ADCK1: variants seen among roughly 807,000 people sequenced by gnomAD.
The protein encoded by ADCK1 is aarF domain containing kinase 1, also known as aarF domain-containing protein kinase 1.
In ADCK1, 41 loss-of-function variants were observed where a neutral mutation model predicts 52.3. The ratio of observed to expected loss-of-function variants is 0.78; its 90% confidence interval spans 0.61 to 1.02. ADCK1 has a LOEUF of 1.02. ADCK1 is among the 50% of genes least tolerant of loss of function. ADCK1 has a pLI of 0.00. For missense variants in ADCK1, 658 were observed against 679.5 expected (o/e 0.97, Z 0.35); for synonymous variants, 250 against 274.6 (o/e 0.91, Z 0.89).
At chr14:77,815,772 C>T (rs2081435585) in intron 1 of ADCK1, among the ~76,000 whole-genome samples, 1 of 150,208 alleles carries the variant, frequency 6.7e-6, no homozygotes, top group Non-Finnish European at 1.5e-5. Context: ...CTGCCTTGGC[C>T]TCCCAAAGTG....
intron 1 of ADCK1, among the ~76,000 whole-genome samples, chr14:77,811,969 ATTC>A (rs1222954946): frequency 2.6e-5 from 4 of 152,240 alleles, no homozygotes; most frequent in Admixed American, 2.0e-4. Flanking sequence ...GTTTTAATTT[ATTC>A]TTTTAATTTA....
At chr14:77,921,326 C>CAAAAAAAAAAAAAAAAAAAAAAAAAAAA (rs756056466) in intron 7 of ADCK1, among the ~76,000 whole-genome samples, 5 of 41,212 alleles carry the variant, frequency 1.2e-4, no homozygotes, top group East Asian at 1.9e-3. Context: ...GACTCTGTCT[C>CAAAAAAAAAAAAAAAAAAAAAAAAAAAA]AAAAAAAAAA....
intron 4 of ADCK1, among the ~76,000 whole-genome samples, chr14:77,869,202 C>A (rs1052513878): frequency 1.3e-5 from 2 of 152,190 alleles, no homozygotes; most frequent in African/African-American, 4.8e-5. Context: ...CTGGCTTAAA[C>A]AACAAATGTA....
At chr14:77,875,241 G>A (rs2082872567) in intron 4 of ADCK1, among the ~76,000 whole-genome samples, 1 of 152,130 alleles carries the variant, frequency 6.6e-6, no homozygotes, top group African/African-American at 2.4e-5. Context: ...ATGGAGAGGT[G>A]TGGAGGAGGT....
rs146383539 is a variant in ADCK1, at chr14:77,870,141, G to A, written c.423+10862G>A. Among the ~76,000 whole-genome samples, 11 of 152,344 alleles carry A rather than the reference G, an allele frequency of 7.2e-5. No individual in the cohort carries two copies. In the East Asian group the frequency reaches 2.1e-3, roughly 29 times the overall value. Reference sequence around the variant, plus strand: ...ATTGGCTGGATGTGTTACAGATATTGTTTGTAACCTTTACAATAACTCTGT... The same window carrying A: ...ATTGGCTGGATGTGTTACAGATATTATTTGTAACCTTTACAATAACTCTGT... On this transcript the variant is annotated intron_variant, in intron 4 of 10. Transcript: ENST00000238561.
chr14:77,832,913 G>T (rs906812315), intron 3 of ADCK1, among the ~76,000 whole-genome samples: 5 of 152,192 alleles, frequency 3.3e-5, no homozygotes, highest in Non-Finnish European at 5.9e-5. Flanking sequence ...GCCAAACCAG[G>T]ACATTTCTTC....
intron 3 of ADCK1, among the ~76,000 whole-genome samples, chr14:77,850,198 C>T (rs2082253816): frequency 6.8e-6 from 1 of 146,530 alleles, no homozygotes; most frequent in African/African-American, 2.5e-5. Flanking sequence ...CACAGTAAAA[C>T]CTTGTCTCAA....
At chr14:77,865,920 C>G (rs1437348618) in intron 4 of ADCK1, among the ~76,000 whole-genome samples, 1 of 152,154 alleles carries the variant, frequency 6.6e-6, no homozygotes, top group African/African-American at 2.4e-5. Flanking sequence ...GTGCTGTGTG[C>G]TTTTTATGAG....
chr14:77,817,200 G>A (rs2081474567), intron 1 of ADCK1, among the ~76,000 whole-genome samples: 1 of 152,162 alleles, frequency 6.6e-6, no homozygotes, highest in Non-Finnish European at 1.5e-5. Flanking sequence ...CGAGATCGCG[G>A]CACTGCACTC....
intron 4 of ADCK1, 57 bp from the exon 5 acceptor site, chr14:77,887,034 C>G: frequency 1.3e-6 from 2 of 1,489,606 alleles, no homozygotes; most frequent in Non-Finnish European, 1.8e-6. Flanking sequence ...CTTCCTGGCT[C>G]CCTCTCACTG....
chr14:77,806,824 T>A (rs1236029235), intron 1 of ADCK1, among the ~76,000 whole-genome samples: 1 of 151,728 alleles, frequency 6.6e-6, no homozygotes, highest in East Asian at 1.9e-4. Flanking sequence ...AAGTGATTCT[T>A]GTGCCTCAGC....
In ADCK1 at chr14:77,925,904, G is replaced by A; in HGVS notation, c.1149G>A (p.Ala383=). 6 of 1,614,184 alleles carry A rather than the reference G, an allele frequency of 3.7e-6. No individual in the cohort carries two copies. The highest frequency in any genetic ancestry group is 3.3e-4 in the Middle Eastern group (2 of 6,062). Residue 383 remains alanine (A), a synonymous_variant, in exon 9 of 11, where the codon GCG becomes GCA. Transcript: ENST00000238561. ...CCTTGTTTGCCTGCATGCTGACGGC[G>A]CGATCGTGGGACTCGGTCAACAGAG... ...LYPLFACMLT[A]RSWDSVNRGI...
intron 8 of ADCK1, among the ~76,000 whole-genome samples, chr14:77,925,260 A>G (rs981811445): frequency 3.9e-5 from 6 of 152,248 alleles, no homozygotes; most frequent in Admixed American, 3.3e-4. Flanking sequence ...ATGATGGCCC[A>G]GATACAGCAG....
At chr14:77,929,517 G>T (rs750419074) in intron 9 of ADCK1, among the ~76,000 whole-genome samples, 1 of 152,194 alleles carries the variant, frequency 6.6e-6, no homozygotes, top group African/African-American at 2.4e-5. Context: ...ATTGGCTGAC[G>T]CAGGTCACGT....
At chr14:77,802,017 G>A (rs2081120771) in intron 1 of ADCK1, among the ~76,000 whole-genome samples, 1 of 151,652 alleles carries the variant, frequency 6.6e-6, no homozygotes, top group South Asian at 2.1e-4. Flanking sequence ...CTGGGTTAAG[G>A]TTTCCATGTT....
chr14:77,826,571 T>A (rs1029125250), intron 3 of ADCK1, among the ~76,000 whole-genome samples: 1 of 152,182 alleles, frequency 6.6e-6, no homozygotes, highest in Non-Finnish European at 1.5e-5. Context: ...GTGTTCAAGA[T>A]GCTTATAAAC....
At chr14:77,931,858 T>A in intron 10 of ADCK1, 147 bp downstream of exon 10, 1 of 909,376 alleles carries the variant, frequency 1.1e-6, no homozygotes, top group Non-Finnish European at 1.6e-6. Context: ...AAAGTTAAAG[T>A]TTGAAATGTT....
intron 3 of ADCK1, among the ~76,000 whole-genome samples, chr14:77,853,743 G>C (rs755322126): frequency 2.0e-5 from 3 of 152,158 alleles, no homozygotes; most frequent in African/African-American, 7.2e-5. Context: ...ACAATTTTTG[G>C]ATATGCACGT....
chr14:77,810,885 T>C (rs1264916842), intron 1 of ADCK1, among the ~76,000 whole-genome samples: 1 of 152,178 alleles, frequency 6.6e-6, no homozygotes, highest in Admixed American at 6.5e-5. Flanking sequence ...TGTGGGCTTC[T>C]CTGGATGCCC....
Sources: allele counts gnomAD v4.1 joint callset (sites outside exome capture counted in the v4.1 genomes callset), GRCh38; gene constraint gnomAD v4.1.1; transcripts MANE v1.5; gene names NCBI Gene and HGNC (gene_info 2026-07-23, HGNC 2026-07-21).